Variants in ENTPD1 observed in about 807,000 individuals in gnomAD.
The protein encoded by ENTPD1 is ATP diphosphohydrolase.
In ENTPD1, 33 loss-of-function variants were observed where a neutral mutation model predicts 57.0. That is an observed-to-expected ratio of 0.58 (90% CI 0.44 to 0.77). The LOEUF is 0.77. ENTPD1 is among the 30% of genes least tolerant of loss of function. The pLI is 0.00. For synonymous variants in ENTPD1, 202 were observed against 218.8 expected (o/e 0.92, Z 0.68); for missense variants, 501 against 603.4 (o/e 0.83, Z 1.78).
At chr10:95,857,113 G>A (rs2098456479) in intron 7 of ENTPD1, among the ~76,000 whole-genome samples, 1 of 152,102 alleles carries the variant, frequency 6.6e-6, no homozygotes, top group East Asian at 1.9e-4. Context: ...AAGATTCTGA[G>A]ATGCCAGAGG....
chr10:95,719,689 C>T (rs900744322), intron 1 of ENTPD1, among the ~76,000 whole-genome samples: 6 of 151,180 alleles, frequency 4.0e-5, no homozygotes, highest in African/African-American at 9.8e-5. Context: ...GGTTTCTGAA[C>T]GGGCGGCTAA....
rs575704785 is a variant in ENTPD1 at position 95,722,376 on chromosome 10, G to A, written c.37+10383G>A. ...AGTTACATATGTATACATGTGCCAT[G>A]CTGGTGTGCTGCACCCACCCAAATG... On this transcript the variant is annotated intron_variant, in intron 1 of 9. Coordinates refer to the ENTPD1 transcript ENST00000453258. Among the ~76,000 whole-genome samples, 26 of 151,842 alleles carry A rather than the reference G, an allele frequency of 1.7e-4. No individual in the cohort carries two copies. In the South Asian group the frequency reaches 4.2e-3, roughly 24 times the overall value.
At chr10:95,694,881 T>G in the ENTPD1 span, among the ~76,000 whole-genome samples, 1 of 147,404 alleles carries the variant, frequency 6.8e-6, no homozygotes. Flanking sequence ...GTGGCTAGCG[T>G]GACTGAGGAG....
At chr10:95,777,243 C>T (rs1269767054) in intron 1 of ENTPD1, among the ~76,000 whole-genome samples, 1 of 152,192 alleles carries the variant, frequency 6.6e-6, no homozygotes, top group Non-Finnish European at 1.5e-5. Flanking sequence ...CTTTTCTGCT[C>T]TGGTTTCTCC....
chr10:95,724,092 G>T (rs1379492213), intron 1 of ENTPD1, among the ~76,000 whole-genome samples: 1 of 149,696 alleles, frequency 6.7e-6, no homozygotes, highest in Non-Finnish European at 1.5e-5. Context: ...AACCCAGGAG[G>T]TGGAGCTTGC....
rs140593324 is a variant in ENTPD1, at chr10:95,731,944, G to A, written c.37+19951G>A. Among the ~76,000 whole-genome samples, 20 of 151,636 alleles carry A rather than the reference G, an allele frequency of 1.3e-4. No homozygotes were observed. In the East Asian group the frequency reaches 2.3e-3, roughly 18 times the overall value. On this transcript the variant is annotated intron_variant, in intron 1 of 9. Transcript: ENST00000453258. ...ATTACAGGCACCTGCTACCACGCCC[G>A]GCTAATTTTTGTATTTTTAGTAGAG...
chr10:95,782,076 T>G (rs1404164708), intron 1 of ENTPD1, among the ~76,000 whole-genome samples: 7 of 152,210 alleles, frequency 4.6e-5, no homozygotes, highest in Non-Finnish European at 1.0e-4. Flanking sequence ...AATACACTGC[T>G]CTGAGCTGAA....
intron 1 of ENTPD1, among the ~76,000 whole-genome samples, chr10:95,812,593 G>A (rs1287297445): frequency 6.6e-6 from 1 of 152,092 alleles, no homozygotes; most frequent in Non-Finnish European, 1.5e-5. Flanking sequence ...GCTTTTCTCA[G>A]GTAAATACCT....
At chr10:95,726,416 T>C (rs1294879320) in intron 1 of ENTPD1, among the ~76,000 whole-genome samples, 1 of 152,232 alleles carries the variant, frequency 6.6e-6, no homozygotes, top group African/African-American at 2.4e-5. Context: ...TAACATTTCT[T>C]TTCTGCATAG....
intron 1 of ENTPD1, among the ~76,000 whole-genome samples, chr10:95,758,189 G>C (rs542019644): frequency 6.6e-6 from 1 of 152,018 alleles, no homozygotes; most frequent in South Asian, 2.1e-4. Flanking sequence ...ACTGAAGCTA[G>C]GCACTTTCTT....
At chr10:95,804,628 G>A (rs2098264628) in intron 1 of ENTPD1, among the ~76,000 whole-genome samples, 1 of 152,208 alleles carries the variant, frequency 6.6e-6, no homozygotes, top group Admixed American at 6.5e-5. Flanking sequence ...CATGTCATCT[G>A]CAAACAGGGA....
intron 8 of ENTPD1, 55 bp from the exon 9 acceptor site, chr10:95,864,669 G>A: frequency 6.2e-7 from 1 of 1,611,022 alleles, no homozygotes; most frequent in Non-Finnish European, 8.5e-7. Context: ...GAAAAAGAGG[G>A]CCACAGAGAG....
At position 95,713,816 on chromosome 10, in the gene ENTPD1, A is replaced by G. The variant is rs542086191; in HGVS notation, c.37+1823A>G. 3.3e-5 allele frequency among the ~76,000 whole-genome samples: 5 copies of G among 152,354 alleles called. No individual in the cohort carries two copies. The East Asian group carries it at 9.6e-4, about 29-fold the overall frequency. Reference sequence around the variant, plus strand: ...GTTAGCTCTACCATGAAGCAGCAGCAGAAAGGAAAAAAAATCTATCAACTA... The same window carrying G: ...GTTAGCTCTACCATGAAGCAGCAGCGGAAAGGAAAAAAAATCTATCAACTA... On this transcript the variant is annotated intron_variant, in intron 1 of 9. Transcript: ENST00000453258.
chr10:95,839,695 G>C lies in ENTPD1; in HGVS notation c.149G>C (p.Gly50Ala), dbSNP rs868220888. The C allele has an allele frequency of 1.2e-5, 19 of 1,614,108 alleles. No homozygotes were observed. Among genetic ancestry groups the C allele is most frequent in the Non-Finnish European group, 1.6e-5 (19 of 1,180,002 alleles). ...TTTGGTCTGTGTTGCTTTCAGTATG[G>C]GATTGTGCTGGATGCGGGTTCTTCT... ...NKALPENVKY[G>A]IVLDAGSSHT... The change falls in exon 3 of 10, where the codon GGG becomes GCG. Residue 50 changes from glycine (G) to alanine (A), a missense_variant. Transcript: ENST00000371205.
intron 9 of ENTPD1, among the ~76,000 whole-genome samples, chr10:95,865,717 C>G (rs2098473077): frequency 1.3e-5 from 2 of 152,092 alleles, no homozygotes; most frequent in South Asian, 4.2e-4. Context: ...AAGATTATAC[C>G]TATGTCAAAT....
chr10:95,845,409 T>A lies in ENTPD1; in HGVS notation c.626T>A (p.Phe209Tyr). ...VPYETNNQET[F>Y]GALDLGGAST... The stretch of plus-strand genomic sequence containing the variant: ...TATGAAACCAATAATCAGGAAACCT[T>A]TGGAGCTTTGGACCTTGGGGGAGCC... The change falls in exon 6 of 10, where the codon TTT (phenylalanine) becomes TAT (tyrosine). Residue 209 changes from phenylalanine to tyrosine, a missense_variant. Physicochemically the swap from Phe to Tyr is conservative, Grantham distance 22. Transcript: ENST00000371205. 6.2e-7 allele frequency: 1 copy of A among 1,614,172 alleles called. No homozygotes were observed. Among genetic ancestry groups the A allele is most frequent in the Non-Finnish European group, 8.5e-7 (1 of 1,180,030 alleles).
upstream of ENTPD1, among the ~76,000 whole-genome samples, chr10:95,752,904 AATTT>A (rs2098014416): frequency 6.6e-6 from 1 of 152,150 alleles, no homozygotes; most frequent in Non-Finnish European, 1.5e-5. Flanking sequence ...CAATCTCAAG[AATTT>A]ATTCATCTTG....
chr10:95,845,935 C>T (rs1818482659), intron 6 of ENTPD1: 1 of 291,838 alleles, frequency 3.4e-6, no homozygotes, highest in African/African-American at 2.2e-5. Flanking sequence ...TCTTTTAGAC[C>T]ACTTTTTAAA....
chr10:95,819,746 A>G (rs1252156518), intron 1 of ENTPD1, among the ~76,000 whole-genome samples: 1 of 152,176 alleles, frequency 6.6e-6, no homozygotes, highest in East Asian at 1.9e-4. Context: ...CATCACATGA[A>G]AAGAAAAAAA....
Sources: allele counts gnomAD v4.1 joint callset (sites outside exome capture counted in the v4.1 genomes callset), GRCh38; gene constraint gnomAD v4.1.1; transcripts MANE v1.5; gene names NCBI Gene and HGNC (gene_info 2026-07-23, HGNC 2026-07-21).